Variants in NELL1 observed in about 807,000 individuals in gnomAD.
NELL1 encodes the protein protein kinase C-binding protein NELL1.
Under a neutral mutation model 107.4 loss-of-function variants are expected in NELL1, and 76 were observed. That is an observed-to-expected ratio of 0.71 (90% CI 0.59 to 0.86). The LOEUF (loss-of-function observed/expected upper bound fraction) is 0.86. NELL1 is among the 40% of genes least tolerant of loss of function. NELL1 has a pLI of 0.00. For synonymous variants in NELL1, 353 were observed against 341.2 expected, an observed-to-expected ratio of 1.03 and a Z score of -0.38; for missense variants, 1,024 against 1,005.5, an observed-to-expected ratio of 1.02 and a Z score of -0.25.
chr11:20,770,715 A>C (rs1483159646), intron 2 of NELL1: 1 of 152,210 alleles, frequency 6.6e-6, no homozygotes, highest in Non-Finnish European at 1.5e-5. Context: ...GCTGAAAAGA[A>C]AGCATTATAT....
In NELL1 at chr11:20,903,936, A is replaced by G. The variant is rs556129652; in HGVS notation, c.604-14246A>G. 6.6e-5 allele frequency among the ~76,000 whole-genome samples: 10 copies of G among 152,264 alleles called. No individual in the cohort carries two copies. In the East Asian group the frequency reaches 1.7e-3, roughly 27 times the overall value. On this transcript the variant is annotated intron_variant, in intron 5 of 19. Coordinates refer to ENST00000357134, the MANE Select transcript of NELL1 (RefSeq NM_006157.5). Reference sequence around the variant, plus strand: ...GGCATGTTTACTTGCCTTTTGTACCATACCATTTATAACCCAGTGGCAGTC... The same window carrying G: ...GGCATGTTTACTTGCCTTTTGTACCGTACCATTTATAACCCAGTGGCAGTC...
At chr11:21,266,461 G>A (rs915239797) in intron 14 of NELL1, among the ~76,000 whole-genome samples, 2 of 151,998 alleles carry the variant, frequency 1.3e-5, no homozygotes, top group African/African-American at 4.8e-5. Context: ...AGTAATCTAC[G>A]TGGGCCCATG....
intron 17 of NELL1, among the ~76,000 whole-genome samples, chr11:21,567,108 C>A (rs561427206): frequency 6.6e-6 from 1 of 151,830 alleles, no homozygotes; most frequent in African/African-American, 2.4e-5. Flanking sequence ...TTGATGCCAG[C>A]CACAGACACA....
intron 3 of NELL1, among the ~76,000 whole-genome samples, chr11:20,814,917 G>A (rs182951492): frequency 3.0e-4 from 45 of 152,240 alleles, no homozygotes; most frequent in East Asian, 1.2e-3. Flanking sequence ...CATTCTTTAC[G>A]TTCTCACCAG....
chr11:20,734,414 T>C (rs1341718428), intron 2 of NELL1, among the ~76,000 whole-genome samples: 2 of 152,092 alleles, frequency 1.3e-5, no homozygotes, highest in East Asian at 3.9e-4. Context: ...AGAGACCAGA[T>C]AGGAGGAGAG....
rs115942412 is a variant in NELL1 at position 21,558,677 on chromosome 11, T to C, written c.1787-1512T>C. Among the ~76,000 whole-genome samples the C allele has an allele frequency of 4.8e-3, 726 of 152,094 alleles. 4 individuals are homozygous for C. Among genetic ancestry groups the C allele is most frequent in the African/African-American group, 0.016 (685 of 41,530 alleles). On this transcript the variant is annotated intron_variant, in intron 16 of 19. Transcript: ENST00000357134. ...ATACATTGAGTGGGTATAGTGTATA[T>C]AGAAGATAAATGAGAGAAAAACAAA...
Position 20,783,703 on chromosome 11 carries a change from G to C in NELL1, c.208G>C (p.Ala70Pro), listed in dbSNP as rs751838626. The C allele has an allele frequency of 2.5e-6, 4 of 1,613,594 alleles. No individual in the cohort carries two copies. The highest frequency in any genetic ancestry group is 3.4e-6 in the Non-Finnish European group (4 of 1,179,806). ...FQDIEREIHAAPHVSEKLIQL... is the reference protein window; with the variant it reads ...FQDIEREIHAPPHVSEKLIQL... ...AGACATAGAAAGAGAGATCCATGCAGCTCCTCATGTGAGTGAGAAATTAAT... is the reference window on the plus strand; with the variant it reads ...AGACATAGAAAGAGAGATCCATGCACCTCCTCATGTGAGTGAGAAATTAAT... The change falls in exon 3 of 20, where the codon GCT becomes CCT. Residue 70 changes from alanine (A) to proline (P), a missense_variant. Physicochemically the swap from Ala to Pro is conservative, Grantham distance 27. Transcript: ENST00000357134.
At chr11:21,273,329 G>T (rs1271005631) in intron 14 of NELL1, among the ~76,000 whole-genome samples, 2 of 152,162 alleles carry the variant, frequency 1.3e-5, no homozygotes, top group South Asian at 2.1e-4. Context: ...TAAATGAAAT[G>T]AAGCGAGAAG....
At chr11:21,013,412 A>G (rs919508352) in intron 12 of NELL1, among the ~76,000 whole-genome samples, 1 of 152,106 alleles carries the variant, frequency 6.6e-6, no homozygotes, top group Non-Finnish European at 1.5e-5. Context: ...TTTGGCTCCA[A>G]ATATTGAGGC....
chr11:21,313,797 C>A (rs1849802374), intron 14 of NELL1, among the ~76,000 whole-genome samples: 1 of 152,080 alleles, frequency 6.6e-6, no homozygotes, highest in Admixed American at 6.6e-5. Flanking sequence ...ACTTCATTAA[C>A]CCTTGATATA....
intron 13 of NELL1, among the ~76,000 whole-genome samples, 165 bp from the exon 14 acceptor site, chr11:21,229,167 T>C (rs1456687623): frequency 3.3e-5 from 5 of 152,194 alleles, no homozygotes; most frequent in African/African-American, 9.7e-5. Flanking sequence ...ATAACATCTT[T>C]CTTTCAGAGT....
At chr11:21,186,860 A>G (rs1856945751) in intron 13 of NELL1, among the ~76,000 whole-genome samples, 1 of 151,784 alleles carries the variant, frequency 6.6e-6, no homozygotes, top group Non-Finnish European at 1.5e-5. Context: ...ATTTCTACAA[A>G]CCCTCAATCT....
chr11:21,441,769 T>A (rs1238156720), intron 15 of NELL1, among the ~76,000 whole-genome samples: 1 of 152,190 alleles, frequency 6.6e-6, no homozygotes, highest in Non-Finnish European at 1.5e-5. Context: ...AGGTAGTATA[T>A]CTTCACTATG....
chr11:21,538,214 T>C (rs1856188842), intron 16 of NELL1, among the ~76,000 whole-genome samples: 1 of 152,116 alleles, frequency 6.6e-6, no homozygotes, highest in Admixed American at 6.6e-5. Flanking sequence ...AGTTTAGGCT[T>C]TTAGAAGAAT....
At chr11:21,055,405 G>C (rs1461578797) in intron 12 of NELL1, among the ~76,000 whole-genome samples, 1 of 151,984 alleles carries the variant, frequency 6.6e-6, no homozygotes. Context: ...TTTATAAATA[G>C]TTTTGAGAGT....
At chr11:21,146,239 C>A (rs1379962860) in intron 13 of NELL1, among the ~76,000 whole-genome samples, 1 of 150,888 alleles carries the variant, frequency 6.6e-6, no homozygotes, top group African/African-American at 2.5e-5. Context: ...AGAAAAAAAA[C>A]ATTTTATTCC....
At chr11:21,309,260 G>GTATATATATATATATATGTA (rs1849674895) in intron 14 of NELL1, among the ~76,000 whole-genome samples, 2 of 99,656 alleles carry the variant, frequency 2.0e-5, no homozygotes, top group East Asian at 3.7e-4. Context: ...ATATATATAT[G>GTATATATATATATATATGTA]TATATATATA....
intron 15 of NELL1, among the ~76,000 whole-genome samples, chr11:21,437,214 A>C (rs1054836862): frequency 1.6e-4 from 24 of 152,158 alleles, no homozygotes; most frequent in Admixed American, 2.0e-4. Context: ...TGGAATGTTG[A>C]AGTTTCTAAC....
intron 3 of NELL1, among the ~76,000 whole-genome samples, chr11:20,845,903 A>G (rs1848694753): frequency 1.3e-5 from 2 of 152,192 alleles, no homozygotes; most frequent in South Asian, 4.1e-4. Flanking sequence ...TTATGTGTTC[A>G]GTAAAGACAT....
Sources: allele counts gnomAD v4.1 joint callset (sites outside exome capture counted in the v4.1 genomes callset), GRCh38; gene constraint gnomAD v4.1.1; transcripts MANE v1.5; gene names NCBI Gene and HGNC (gene_info 2026-07-23, HGNC 2026-07-21).